NHSL2: variants seen among roughly 807,000 people sequenced by gnomAD.
NHSL2 encodes the protein NHS like 2.
Under a neutral mutation model 53.4 loss-of-function variants are expected in NHSL2, and 27 were observed. The observed-to-expected ratio is 0.51, with a 90% CI of 0.37 to 0.70. The LOEUF is 0.70. NHSL2 is among the 30% of genes least tolerant of loss of function. The pLI, the probability that NHSL2 is intolerant of heterozygous loss-of-function variation, is 0.00. For synonymous variants in NHSL2, 408 were observed against 404.1 expected, an observed-to-expected ratio of 1.01 and a Z score of -0.12; for missense variants, 892 against 980.1, an observed-to-expected ratio of 0.91 and a Z score of 1.20.
intron 1 of NHSL2, among the ~76,000 whole-genome samples, chrX:72,048,285 T>G (rs2042316996): frequency 9.0e-6 from 1 of 110,859 alleles, no homozygotes; most frequent in South Asian, 3.9e-4. Context: ...ATGGAGAGAT[T>G]AAGTGAGGTT....
At position 72,142,315 on chromosome X, in the gene NHSL2, G is replaced by A. The variant is rs747118688; in HGVS notation, c.3307G>A (p.Val1103Met). ...ATGGATTGCAGAGGATGATGATGAC[G>A]TGTTTGTGGCTTCACGCACAACTGA... Reference protein sequence around the residue: ...AEWIAEDDDDVFVASRTTEDL... With the variant: ...AEWIAEDDDDMFVASRTTEDL... Residue 1103 changes from valine (V) to methionine (M), a missense_variant, in exon 7 of 8, where the codon GTG becomes ATG. Coordinates refer to ENST00000633930, the MANE Select transcript of NHSL2 (RefSeq NM_001013627.3). 8.1e-5 allele frequency: 94 copies of A among 1,158,925 alleles called. No homozygotes were observed. Among genetic ancestry groups the A allele is most frequent in the South Asian group, 2.9e-4 (15 of 52,282 alleles).
In NHSL2 at chrX:71,954,832, G is replaced by A. The variant is rs187981091; in HGVS notation, c.280+43465G>A. 2.9e-4 allele frequency among the ~76,000 whole-genome samples: 33 copies of A among 112,451 alleles called. No homozygotes were observed. The Middle Eastern group carries it at 0.023, about 79-fold the overall frequency. On this transcript the variant is annotated intron_variant, in intron 1 of 7. Coordinates refer to ENST00000633930, the MANE Select transcript of NHSL2 (RefSeq NM_001013627.3). ...CCTAGTGTCCTTTGTTTTGTTAGGG[G>A]CCTAAAGCAGAAGCAAAGGCAACCC...
intron 2 of NHSL2, among the ~76,000 whole-genome samples, 196 bp downstream of exon 2, chrX:72,132,430 C>A (rs746353883): frequency 8.9e-6 from 1 of 111,873 alleles, no homozygotes; most frequent in African/African-American, 3.2e-5. Flanking sequence ...CTGTTTCCCC[C>A]CATCCCCAGC....
chrX:72,092,894 C>T (rs367960250), intron 1 of NHSL2, among the ~76,000 whole-genome samples: 42 of 112,433 alleles, frequency 3.7e-4, no homozygotes, highest in Middle Eastern at 9.2e-3. Flanking sequence ...ATTTCCTTAC[C>T]AATAAAATGA....
chrX:72,055,269 C>T (rs1251472019), intron 1 of NHSL2, among the ~76,000 whole-genome samples: 3 of 112,143 alleles, frequency 2.7e-5, no homozygotes, highest in Non-Finnish European at 5.6e-5. Context: ...CCCCAGCAAC[C>T]GCCAGGCCGG....
At chrX:72,071,066 T>G (rs1013435447) in intron 1 of NHSL2, among the ~76,000 whole-genome samples, 2 of 110,815 alleles carry the variant, frequency 1.8e-5, no homozygotes, top group East Asian at 5.7e-4. Flanking sequence ...CAGGGCGTGG[T>G]GGGGAGAGAA....
At chrX:72,111,919 G>A (rs2042096982) in intron 1 of NHSL2, among the ~76,000 whole-genome samples, 1 of 111,143 alleles carries the variant, frequency 9.0e-6, no homozygotes, top group African/African-American at 3.3e-5. Context: ...ACCAAGAAAA[G>A]CTTCAAGTAG....
chrX:71,993,694 G>A lies in NHSL2; in HGVS notation c.280+82327G>A, dbSNP rs2042037350. On this transcript the variant is annotated intron_variant, in intron 1 of 7. Transcript: ENST00000633930. Reference sequence around the variant, plus strand: ...CTTTTGAGCAGTGAGAAGGCACTGGGGTTCCCTGGCCAGAGGAGGCAAATC... The same window carrying A: ...CTTTTGAGCAGTGAGAAGGCACTGGAGTTCCCTGGCCAGAGGAGGCAAATC... 2.7e-5 allele frequency among the ~76,000 whole-genome samples: 3 copies of A among 111,539 alleles called. No individual in the cohort carries two copies. The Admixed American group carries it at 2.8e-4, about 11-fold the overall frequency.
At chrX:72,077,117 C>G (rs1385943031) in intron 1 of NHSL2, among the ~76,000 whole-genome samples, 1 of 110,741 alleles carries the variant, frequency 9.0e-6, no homozygotes, top group African/African-American at 3.3e-5. Flanking sequence ...CGATGCCACA[C>G]AGGAGATAAA....
At chrX:72,043,367 A>G (rs964884237) in intron 1 of NHSL2, among the ~76,000 whole-genome samples, 2 of 111,356 alleles carry the variant, frequency 1.8e-5, no homozygotes, top group African/African-American at 3.3e-5. Context: ...ATATTAATAT[A>G]TATTGCTTAT....
chrX:71,969,623 C>T (rs1425936807), intron 1 of NHSL2, among the ~76,000 whole-genome samples: 1 of 112,611 alleles, frequency 8.9e-6, no homozygotes, highest in African/African-American at 3.2e-5. Flanking sequence ...AAATGGTTTT[C>T]TTAATTTCAT....
At chrX:72,088,040 G>A (rs1294494734) in intron 1 of NHSL2, among the ~76,000 whole-genome samples, 1 of 110,853 alleles carries the variant, frequency 9.0e-6, no homozygotes, top group Non-Finnish European at 1.9e-5. Context: ...AGACCAGCCT[G>A]ACCAACATGG....
chrX:71,985,336 G>A (rs977361834), intron 1 of NHSL2, among the ~76,000 whole-genome samples: 6 of 111,569 alleles, frequency 5.4e-5, no homozygotes, highest in Non-Finnish European at 1.1e-4. Flanking sequence ...CAAGGTATGA[G>A]GCCAGTTTCC....
chrX:72,059,684 G>A (rs1166482272), intron 1 of NHSL2, among the ~76,000 whole-genome samples: 1 of 111,801 alleles, frequency 8.9e-6, no homozygotes. Flanking sequence ...GCTGACAACT[G>A]GCAATGAATG....
chrX:72,038,818 A>G (rs1346117484), intron 1 of NHSL2, among the ~76,000 whole-genome samples: 1 of 111,753 alleles, frequency 8.9e-6, no homozygotes, highest in Non-Finnish European at 1.9e-5. Flanking sequence ...TAAGAGATAA[A>G]ATAGGACATA....
intron 1 of NHSL2, among the ~76,000 whole-genome samples, chrX:72,010,735 A>T (rs2042112039): frequency 8.9e-6 from 1 of 112,377 alleles, no homozygotes. Context: ...TTATGGATTC[A>T]CATGCAGTAT....
chrX:72,131,495 C>A, intron 1 of NHSL2: 1 of 1,202,174 alleles, frequency 8.3e-7, no homozygotes, highest in Non-Finnish European at 1.1e-6. Context: ...CGCAGGGCCA[C>A]ATTCGCCATG....
chrX:72,085,768 A>C (rs1223515264), intron 1 of NHSL2, among the ~76,000 whole-genome samples: 1 of 106,147 alleles, frequency 9.4e-6, no homozygotes, highest in Non-Finnish European at 1.9e-5. Flanking sequence ...CATAGAGGCA[A>C]CTAAAAATCC....
intron 1 of NHSL2, among the ~76,000 whole-genome samples, chrX:71,995,984 A>G (rs1363865533): frequency 1.8e-5 from 2 of 111,876 alleles, no homozygotes; most frequent in African/African-American, 6.5e-5. Flanking sequence ...GTGATCTGGG[A>G]TTCTCAGGAA....
Sources: allele counts gnomAD v4.1 joint callset (sites outside exome capture counted in the v4.1 genomes callset), GRCh38; gene constraint gnomAD v4.1.1; transcripts MANE v1.5; gene names NCBI Gene and HGNC (gene_info 2026-07-23, HGNC 2026-07-21).